Variants in ZNF883 observed in about 807,000 individuals in gnomAD.
ZNF883 encodes zinc finger protein 883.
intron 2 of ZNF883, among the ~76,000 whole-genome samples, chr9:113,003,407 G>A (rs1291745666): frequency 6.6e-6 from 1 of 152,034 alleles, no homozygotes; most frequent in Non-Finnish European, 1.5e-5. Flanking sequence ...TCTTGGCTAT[G>A]TTTTTATTAG....
intron 2 of ZNF883, among the ~76,000 whole-genome samples, chr9:113,009,262 C>T (rs1302830638): frequency 6.6e-6 from 1 of 152,162 alleles, no homozygotes; most frequent in Non-Finnish European, 1.5e-5. Flanking sequence ...TCTTCTCATT[C>T]AGCATAAAAG....
At chr9:113,006,179 TTATAA>T (rs1198675757) in intron 2 of ZNF883, among the ~76,000 whole-genome samples, 10 of 151,368 alleles carry the variant, frequency 6.6e-5, no homozygotes, top group Admixed American at 3.9e-4. Context: ...TATACACTAA[TTATAA>T]TATATTAGCA....
At chr9:112,995,328 C>G (rs898543430), downstream of ZNF883, among the ~76,000 whole-genome samples, 2 of 152,088 alleles carry the variant, frequency 1.3e-5, no homozygotes, top group Non-Finnish European at 2.9e-5. Context: ...GACTCAGGCC[C>G]TCAAACTCAA....
chr9:112,994,772 TATATC>T (rs1390999202), downstream of ZNF883, among the ~76,000 whole-genome samples: 4 of 152,284 alleles, frequency 2.6e-5, no homozygotes, highest in Non-Finnish European at 5.9e-5. Context: ...GTTTTGTACA[TATATC>T]ATTTTAGTAG....
upstream of ZNF883, chr9:112,998,401 C>T (rs1049043667): frequency 2.5e-5 from 16 of 645,872 alleles, no homozygotes; most frequent in East Asian, 4.9e-4. Context: ...AATTATTTTT[C>T]ATTCATGAGT....
chr9:112,999,712 G>C (rs538231220), upstream of ZNF883: 1 of 152,306 alleles, frequency 6.6e-6, no homozygotes, highest in Non-Finnish European at 1.5e-5. Context: ...AGCCATTCAG[G>C]AAGAGATGCA....
At chr9:113,004,096 G>A (rs1372877657) in intron 2 of ZNF883, among the ~76,000 whole-genome samples, 3 of 152,198 alleles carry the variant, frequency 2.0e-5, no homozygotes, top group African/African-American at 7.2e-5. Flanking sequence ...AAGACCCACA[G>A]ACACACACAC....
upstream of ZNF883, chr9:112,998,714 T>G (rs1454570158): frequency 6.6e-6 from 1 of 152,454 alleles, no homozygotes; most frequent in African/African-American, 2.4e-5. Flanking sequence ...CATTTGTCAT[T>G]TAGTAGCTCA....
exon 1 of ZNF883, chr9:112,997,362 T>C (rs1357679964): frequency 1.2e-6 from 2 of 1,614,082 alleles, no homozygotes; most frequent in Admixed American, 1.7e-5. Context: ...CAAAACAGTT[T>C]CTGACATTCA....
upstream of ZNF883, chr9:113,002,012 A>G (rs1297413202): frequency 6.6e-6 from 1 of 152,186 alleles, no homozygotes; most frequent in African/African-American, 2.4e-5. Context: ...ATGAGGCTGT[A>G]ACAGTTTTTG....
At chr9:113,009,966 T>C (rs1828516461) in intron 2 of ZNF883, among the ~76,000 whole-genome samples, 1 of 152,222 alleles carries the variant, frequency 6.6e-6, no homozygotes, top group Non-Finnish European at 1.5e-5. Context: ...GGTGAATTAG[T>C]ACATTTTTGA....
At chr9:113,000,330 C>T (rs1253389704), upstream of ZNF883, among the ~76,000 whole-genome samples, 2 of 152,128 alleles carry the variant, frequency 1.3e-5, no homozygotes, top group Non-Finnish European at 2.9e-5. Context: ...AACTCTCACA[C>T]TTTAAACAGA....
rs1305916325 is a variant in ZNF883 at position 112,997,161 on chromosome 9, G to A, written n.1099C>T. ...TCCTTTCTGAAATGAGTTTTCTGAT[G>A]TCGAATTAAGGATGTACTATGACAA... On this transcript the variant is annotated non_coding_transcript_exon_variant, in exon 1 of 1. Coordinates refer to ENST00000639662, the Ensembl canonical transcript of ZNF883. 4.3e-6 allele frequency: 7 copies of A among 1,610,352 alleles called. No individual in the cohort carries two copies. The South Asian group carries it at 7.7e-5, about 18-fold the overall frequency.
chr9:112,993,412 T>G (rs934906110), downstream of ZNF883, among the ~76,000 whole-genome samples: 12 of 152,204 alleles, frequency 7.9e-5, no homozygotes, highest in African/African-American at 2.7e-4. Flanking sequence ...CAAAGATGGC[T>G]GCCTGCTCCT....
chr9:112,991,613 A>T (rs1478158073), intron 1 of ZNF883, among the ~76,000 whole-genome samples: 1 of 151,744 alleles, frequency 6.6e-6, no homozygotes, highest in African/African-American at 2.4e-5. Flanking sequence ...CTTGATCCAG[A>T]GGTGAGTTCA....
At chr9:112,995,051 T>C (rs1042999093), downstream of ZNF883, among the ~76,000 whole-genome samples, 2 of 152,202 alleles carry the variant, frequency 1.3e-5, no homozygotes, top group African/African-American at 4.8e-5. Flanking sequence ...GGTCCAAATA[T>C]GTGGTGCTTA....
intron 2 of ZNF883, among the ~76,000 whole-genome samples, chr9:113,010,403 T>C (rs2118631414): frequency 6.6e-6 from 1 of 152,350 alleles, no homozygotes; most frequent in African/African-American, 2.4e-5. Flanking sequence ...CATCTTGCTA[T>C]GCTGAGTTAT....
intron 1 of ZNF883, among the ~76,000 whole-genome samples, chr9:112,989,547 G>A (rs1256295871): frequency 1.3e-5 from 2 of 152,180 alleles, no homozygotes; most frequent in Non-Finnish European, 2.9e-5. Flanking sequence ...TTTGGAGTTG[G>A]GTAGTGTGAT....
chr9:113,010,628 C>T (rs1373016118), intron 2 of ZNF883, among the ~76,000 whole-genome samples: 7 of 152,092 alleles, frequency 4.6e-5, no homozygotes, highest in East Asian at 1.9e-4. Flanking sequence ...CATTCTACTA[C>T]GTATACATAT....
Sources: gnomAD v4.1 joint callset for allele counts (sites outside exome capture counted in the v4.1 genomes callset) on GRCh38, gnomAD v4.1.1 for gene constraint, MANE v1.5 for transcripts, NCBI Gene and HGNC (gene_info 2026-07-23, HGNC 2026-07-21) for gene names.